Variants in ROBO2 observed in about 807,000 individuals in gnomAD.
ROBO2 encodes the protein roundabout homolog 2.
ROBO2 carries 53 observed loss-of-function variants against 160.8 expected under a neutral mutation model. The observed-to-expected ratio is 0.33, with a 90% CI of 0.26 to 0.41. The LOEUF (loss-of-function observed/expected upper bound fraction) is 0.41, where lower values mean the gene tolerates loss of function less well. ROBO2 is among the 10% of genes least tolerant of loss of function. ROBO2 has a pLI of 1.00. For synonymous variants in ROBO2, 664 were observed against 611.7 expected (o/e 1.09, Z -1.26); for missense variants, 1,577 against 1,722.4 (o/e 0.92, Z 1.49).
Position 76,725,765 on chromosome 3 carries a change from C to T in ROBO2, c.110-372249C>T, listed in dbSNP as rs145158172. 3.9e-5 allele frequency among the ~76,000 whole-genome samples: 6 copies of T among 152,216 alleles called. No homozygotes were observed. The East Asian group carries it at 1.2e-3, about 29-fold the overall frequency. Reference sequence around the variant, plus strand: ...GAATGCAGGCCTCAGTGGAATTCTACACTGAGGGCACTACTCTGAAGGTAG... The same window carrying T: ...GAATGCAGGCCTCAGTGGAATTCTATACTGAGGGCACTACTCTGAAGGTAG... On this transcript the variant is annotated intron_variant, in intron 2 of 26. Transcript: ENST00000487694.
At chr3:76,571,923 C>A (rs1018229549) in intron 2 of ROBO2, among the ~76,000 whole-genome samples, 2 of 152,128 alleles carry the variant, frequency 1.3e-5, no homozygotes, top group Non-Finnish European at 2.9e-5. Context: ...GGGAGGATCA[C>A]TTGAGCCCAA....
intron 2 of ROBO2, among the ~76,000 whole-genome samples, chr3:76,298,258 G>A (rs993052636): frequency 6.6e-6 from 1 of 152,114 alleles, no homozygotes; most frequent in Non-Finnish European, 1.5e-5. Context: ...TTGTACAAGG[G>A]TGAGGGAGGA....
chr3:76,728,002 A>G (rs2093579791), intron 2 of ROBO2, among the ~76,000 whole-genome samples: 2 of 152,316 alleles, frequency 1.3e-5, no homozygotes, highest in African/African-American at 4.8e-5. Context: ...GTATCAAAAT[A>G]TCACATATAC....
At chr3:77,140,173 C>T (rs80109563) in intron 2 of ROBO2, among the ~76,000 whole-genome samples, 9,574 of 152,252 alleles carry the variant, frequency 0.063, 675 homozygotes, top group East Asian at 0.21. Context: ...AACATGACCT[C>T]GTAGTGCCTT....
intron 2 of ROBO2, among the ~76,000 whole-genome samples, chr3:75,998,641 C>T (rs929495007): frequency 6.6e-6 from 1 of 152,148 alleles, no homozygotes; most frequent in Non-Finnish European, 1.5e-5. Flanking sequence ...TGTTTTCAAA[C>T]AATGTCAGTT....
intron 6 of ROBO2, among the ~76,000 whole-genome samples, chr3:77,528,782 A>G (rs1376261322): frequency 2.0e-5 from 3 of 151,720 alleles, no homozygotes; most frequent in South Asian, 2.1e-4. Context: ...ATGGTTCACA[A>G]TTAATTGAAA....
chr3:77,197,724 T>A (rs1231421550), intron 2 of ROBO2, among the ~76,000 whole-genome samples: 1 of 152,234 alleles, frequency 6.6e-6, no homozygotes, highest in Non-Finnish European at 1.5e-5. Context: ...CCAGAAACCG[T>A]GAACTGTTAT....
At chr3:76,814,848 A>T (rs557713069) in intron 2 of ROBO2, among the ~76,000 whole-genome samples, 1 of 152,206 alleles carries the variant, frequency 6.6e-6, no homozygotes, top group African/African-American at 2.4e-5. Context: ...AGTAACTTGT[A>T]ATAAAGGAAT....
intron 2 of ROBO2, among the ~76,000 whole-genome samples, chr3:76,345,055 G>T (rs996063139): frequency 7.2e-5 from 11 of 152,108 alleles, no homozygotes; most frequent in Non-Finnish European, 1.3e-4. Context: ...ACTCCTGAGC[G>T]CCACTGCCTT....
At chr3:76,629,890 A>G (rs1457820914) in intron 2 of ROBO2, among the ~76,000 whole-genome samples, 5 of 152,122 alleles carry the variant, frequency 3.3e-5, no homozygotes, top group African/African-American at 7.2e-5. Flanking sequence ...ACAACTTACC[A>G]TACTTTTCTG....
At chr3:76,397,083 G>T (rs1405529278) in intron 2 of ROBO2, among the ~76,000 whole-genome samples, 1 of 152,088 alleles carries the variant, frequency 6.6e-6, no homozygotes, top group Non-Finnish European at 1.5e-5. Context: ...ATACTACACG[G>T]CTACAGTAAC....
intron 2 of ROBO2, among the ~76,000 whole-genome samples, chr3:76,778,627 T>C (rs891389785): frequency 6.6e-6 from 1 of 151,154 alleles, no homozygotes; most frequent in African/African-American, 2.4e-5. Flanking sequence ...AGTTCATTGA[T>C]ATTTGGGGAT....
At chr3:76,934,585 A>G (rs2077567501) in intron 2 of ROBO2, among the ~76,000 whole-genome samples, 1 of 152,114 alleles carries the variant, frequency 6.6e-6, no homozygotes, top group African/African-American at 2.4e-5. Flanking sequence ...TACCAAAAAT[A>G]CAAAAATTAG....
At chr3:77,247,292 G>A (rs2089835811) in intron 2 of ROBO2, among the ~76,000 whole-genome samples, 1 of 152,182 alleles carries the variant, frequency 6.6e-6, no homozygotes, top group African/African-American at 2.4e-5. Flanking sequence ...CTTTATTCCT[G>A]GAGGTGGCAA....
At chr3:77,037,478 A>T (rs926175461), upstream of ROBO2, among the ~76,000 whole-genome samples, 3 of 151,394 alleles carry the variant, frequency 2.0e-5, no homozygotes, top group South Asian at 2.1e-4. Flanking sequence ...GATGCTTGGT[A>T]AAAAAAATGC....
intron 2 of ROBO2, among the ~76,000 whole-genome samples, chr3:76,806,569 C>G (rs1052426918): frequency 6.6e-5 from 10 of 151,940 alleles, no homozygotes; most frequent in African/African-American, 2.2e-4. Flanking sequence ...TCAAAAGCAA[C>G]TGCATCTTCT....
intron 2 of ROBO2, among the ~76,000 whole-genome samples, chr3:77,258,504 T>C (rs1310819021): frequency 6.6e-6 from 1 of 151,886 alleles, no homozygotes; most frequent in East Asian, 1.9e-4. Context: ...ACACCTGTAA[T>C]CCCAGCTGCT....
chr3:76,396,977 A>G (rs1238820974), intron 2 of ROBO2, among the ~76,000 whole-genome samples: 1 of 152,194 alleles, frequency 6.6e-6, no homozygotes, highest in Non-Finnish European at 1.5e-5. Flanking sequence ...AAACTACTTT[A>G]AAGTTCATAT....
intron 15 of ROBO2, 56 bp from the exon 17 acceptor site, chr3:77,579,891 C>A: frequency 6.8e-7 from 1 of 1,465,734 alleles, no homozygotes. Flanking sequence ...ACAGTAGTCT[C>A]GTTACCAGAA....
Sources: allele counts gnomAD v4.1 joint callset (sites outside exome capture counted in the v4.1 genomes callset), GRCh38; gene constraint gnomAD v4.1.1; transcripts MANE v1.5; gene names NCBI Gene and HGNC (gene_info 2026-07-23, HGNC 2026-07-21).